The following KSR2 variants were observed in gnomAD, a reference collection of about 807,000 sequenced individuals.
The protein encoded by KSR2 is kinase suppressor of ras 2.
In KSR2, 25 loss-of-function variants were observed where a neutral mutation model predicts 107.8. That is an observed-to-expected ratio of 0.23 (90% CI 0.17 to 0.32). The LOEUF is 0.32. KSR2 is among the 10% of genes least tolerant of loss of function. KSR2 has a pLI of 1.00. For missense variants in KSR2, 887 were observed against 1,268.9 expected, an observed-to-expected ratio of 0.70 and a Z score of 4.57; for synonymous variants, 480 against 507.0, an observed-to-expected ratio of 0.95 and a Z score of 0.71.
intron 1 of KSR2, among the ~76,000 whole-genome samples, chr12:117,956,143 G>A (rs1460369468): frequency 3.3e-5 from 5 of 150,470 alleles, no homozygotes; most frequent in Admixed American, 6.7e-5. Flanking sequence ...CCAGCTACTC[G>A]GGAGGCTAAG....
At position 117,525,055 on chromosome 12, in the gene KSR2, A is replaced by G; in HGVS notation, c.2016T>C (p.Ile672=). ...ACACTTGCCCAAAGCGGCCCTTTCCAATGAGCTCGCCGATCTCCAGCTGCT... is the reference window on the plus strand; with the variant it reads ...ACACTTGCCCAAAGCGGCCCTTTCCGATGAGCTCGCCGATCTCCAGCTGCT... The part of the protein sequence containing the change: ...PFEQLEIGEL[I]GKGRFGQVYH... Residue 672 remains isoleucine (I), a synonymous_variant, in exon 14 of 20, where the codon ATT becomes ATC. Transcript: ENST00000339824. The G allele has an allele frequency of 6.2e-7, 1 of 1,613,922 alleles. No individual in the cohort carries two copies. The highest frequency in any genetic ancestry group is 2.2e-5 in the East Asian group (1 of 44,864).
chr12:117,662,189 C>T (rs914136573), intron 5 of KSR2, among the ~76,000 whole-genome samples: 1 of 152,160 alleles, frequency 6.6e-6, no homozygotes, highest in South Asian at 2.1e-4. Flanking sequence ...TTGGAATTGG[C>T]ACCACTGAGT....
chr12:117,510,858 A>T (rs1197554057), intron 14 of KSR2, among the ~76,000 whole-genome samples: 1 of 146,586 alleles, frequency 6.8e-6, no homozygotes, highest in Non-Finnish European at 1.5e-5. Context: ...AGCCTGGGCA[A>T]CAGACTGAGA....
At chr12:117,954,176 A>T (rs923478966) in intron 1 of KSR2, among the ~76,000 whole-genome samples, 1 of 152,152 alleles carries the variant, frequency 6.6e-6, no homozygotes, top group Non-Finnish European at 1.5e-5. Flanking sequence ...AGTGAGCTTG[A>T]TGAGGTAGCA....
intron 1 of KSR2, among the ~76,000 whole-genome samples, chr12:117,887,569 G>T (rs1894212401): frequency 6.6e-6 from 1 of 152,170 alleles, no homozygotes; most frequent in Non-Finnish European, 1.5e-5. Context: ...TGTTTCAACA[G>T]GAGGTTCTGT....
chr12:117,917,456 C>A (rs1021990072), intron 1 of KSR2, among the ~76,000 whole-genome samples: 3 of 152,048 alleles, frequency 2.0e-5, no homozygotes, highest in African/African-American at 7.2e-5. Flanking sequence ...GTGAGAAGAT[C>A]ACTTGAGTCC....
chr12:117,740,515 A>G (rs1565990148), intron 4 of KSR2, among the ~76,000 whole-genome samples: 9 of 104,010 alleles, frequency 8.7e-5, no homozygotes, highest in Non-Finnish European at 2.1e-4. Flanking sequence ...CATTTATATA[A>G]TATATAGTAC....
chr12:117,936,550 A>G lies in KSR2; in HGVS notation c.180+31526T>C, dbSNP rs894061394. Among the ~76,000 whole-genome samples the G allele has an allele frequency of 4.0e-5, 6 of 150,834 alleles. No homozygotes were observed. In the East Asian group the frequency reaches 1.2e-3, roughly 30 times the overall value. On this transcript the variant is annotated intron_variant, in intron 1 of 19. Coordinates refer to ENST00000339824, the MANE Select transcript of KSR2 (RefSeq NM_173598.6). ...TATTATTATTAGTAGTAGTAGTAGT[A>G]GTAGTAGTAGTAGTAGTAGTAGTAG... is the stretch of plus-strand genomic sequence containing the variant.
intron 5 of KSR2, among the ~76,000 whole-genome samples, chr12:117,629,005 A>C (rs760718510): frequency 6.6e-6 from 1 of 152,244 alleles, no homozygotes; most frequent in Non-Finnish European, 1.5e-5. Flanking sequence ...GGGAGCCACC[A>C]AGCCAGGCAT....
In KSR2 at chr12:117,773,521, CA is replaced by C. The variant is rs1889580178; in HGVS notation, c.473-11998del. Among the ~76,000 whole-genome samples, 4 of 152,118 alleles carry C rather than the reference CA, an allele frequency of 2.6e-5. No homozygotes were observed. In the South Asian group the frequency reaches 8.3e-4, roughly 32 times the overall value. ...CTTAAATTTCTCTGAATTTCGGAGCCAGCATTGGAATCTACACAGTAGATTC... is the reference window on the plus strand; with the variant it reads ...CTTAAATTTCTCTGAATTTCGGAGCCGCATTGGAATCTACACAGTAGATTC... On this transcript the variant is annotated intron_variant, in intron 3 of 19. Coordinates refer to ENST00000339824, the MANE Select transcript of KSR2 (RefSeq NM_173598.6).
chr12:117,855,394 A>T, intron 3 of KSR2, 34 bp downstream of exon 3: 1 of 1,613,440 alleles, frequency 6.2e-7, no homozygotes, highest in Non-Finnish European at 8.5e-7. Context: ...GCTGGGGACA[A>T]GTCTCCACAT....
chr12:117,753,423 T>C (rs1256966670), intron 4 of KSR2, among the ~76,000 whole-genome samples: 2 of 152,202 alleles, frequency 1.3e-5, no homozygotes, highest in African/African-American at 4.8e-5. Context: ...TCATGCTCTA[T>C]GTATATCTAT....
At chr12:117,758,577 G>A (rs515398) in intron 4 of KSR2, among the ~76,000 whole-genome samples, 28,551 of 152,088 alleles carry the variant, frequency 0.19, 3,364 homozygotes, top group South Asian at 0.29. Flanking sequence ...GAAACCTGAA[G>A]GGCAAAGCTT....
chr12:117,963,067 G>A (rs775636656), intron 1 of KSR2, among the ~76,000 whole-genome samples: 1 of 151,924 alleles, frequency 6.6e-6, no homozygotes, highest in Non-Finnish European at 1.5e-5. Flanking sequence ...GTGCAGGCTT[G>A]TAATCCCAGC....
chr12:117,855,408 C>T lies in KSR2; in HGVS notation c.472+20G>A, dbSNP rs374896988. ...TGCTGGGGACAAGTCTCCACATCCCCGACCCCGGGGCCTGCTCACCTGACA... is the reference window on the plus strand; with the variant it reads ...TGCTGGGGACAAGTCTCCACATCCCTGACCCCGGGGCCTGCTCACCTGACA... On this transcript the variant is annotated intron_variant, in intron 3 of 19. Coordinates refer to ENST00000339824, the MANE Select transcript of KSR2 (RefSeq NM_173598.6). 26 of 1,613,808 alleles carry T rather than the reference C, an allele frequency of 1.6e-5. No individual in the cohort carries two copies. The African/African-American group carries it at 2.1e-4, about 13-fold the overall frequency.
chr12:117,697,195 A>G (rs1646929763), intron 4 of KSR2, among the ~76,000 whole-genome samples: 1 of 152,176 alleles, frequency 6.6e-6, no homozygotes, highest in Non-Finnish European at 1.5e-5. Flanking sequence ...TAATAATATG[A>G]GCTCTTTATT....
rs755717981 is a variant in KSR2 at position 117,641,253 on chromosome 12, C to T, written c.1171+26221G>A. Among the ~76,000 whole-genome samples the T allele has an allele frequency of 7.2e-5, 11 of 152,268 alleles. No individual in the cohort carries two copies. The East Asian group carries it at 9.7e-4, about 13-fold the overall frequency. Reference sequence around the variant, plus strand: ...CTGGGATTACAGGCGTGTGCCACCACGCCCAGCTAATTTTTGTATTTTTAG... The same window carrying T: ...CTGGGATTACAGGCGTGTGCCACCATGCCCAGCTAATTTTTGTATTTTTAG... On this transcript the variant is annotated intron_variant, in intron 5 of 19. Coordinates refer to ENST00000339824, the MANE Select transcript of KSR2 (RefSeq NM_173598.6).
At chr12:117,502,904 G>A (rs1873464194) in intron 14 of KSR2, among the ~76,000 whole-genome samples, 1 of 152,142 alleles carries the variant, frequency 6.6e-6, no homozygotes, top group South Asian at 2.1e-4. Flanking sequence ...TGCTCTCGAA[G>A]CTTTGTAAAT....
At chr12:117,924,285 A>G (rs1593373000) in intron 1 of KSR2, among the ~76,000 whole-genome samples, 1 of 151,612 alleles carries the variant, frequency 6.6e-6, no homozygotes, top group East Asian at 2.0e-4. Flanking sequence ...AAAAAAATTT[A>G]GGCCAGGCAC....
Sources: gnomAD v4.1 joint callset for allele counts (sites outside exome capture counted in the v4.1 genomes callset) on GRCh38, gnomAD v4.1.1 for gene constraint, MANE v1.5 for transcripts, NCBI Gene and HGNC (gene_info 2026-07-23, HGNC 2026-07-21) for gene names.